CPED1: variants seen among roughly 807,000 people sequenced by gnomAD.
CPED1 encodes the protein cadherin-like and PC-esterase domain-containing protein 1.
Under a neutral mutation model 128.2 loss-of-function variants are expected in CPED1, and 114 were observed. The observed-to-expected ratio is 0.89, with a 90% CI of 0.76 to 1.04. The LOEUF is 1.04. Among genes scored for constraint, CPED1 ranks in the 50% least tolerant of loss-of-function variants. CPED1 has a pLI of 0.00. For synonymous variants in CPED1, 462 were observed against 426.7 expected, an observed-to-expected ratio of 1.08 and a Z score of -1.02; for missense variants, 1,211 against 1,207.1, an observed-to-expected ratio of 1.00 and a Z score of -0.05.
rs112202688 is a variant in CPED1, at chr7:121,225,995, C to T, written c.2056-10719C>T. On this transcript the variant is annotated intron_variant, in intron 16 of 22. Coordinates refer to ENST00000310396, the MANE Select transcript of CPED1 (RefSeq NM_024913.5). ...CCTACTTCTGTCAACTCATTAAAGT[C>T]ATTCTCCATCCAGCTTTGTTCCGTT... Among the ~76,000 whole-genome samples, 1,022 of 152,236 alleles carry T rather than the reference C, an allele frequency of 6.7e-3. 14 individuals carry two copies. The highest frequency in any genetic ancestry group is 0.022 in the African/African-American group (915 of 41,544).
intron 3 of CPED1, among the ~76,000 whole-genome samples, chr7:121,016,884 TGGGGG>T (rs1792316490): frequency 6.6e-6 from 1 of 152,154 alleles, no homozygotes; most frequent in South Asian, 2.1e-4. Context: ...TTGGTTCCTT[TGGGGG>T]AGAAGAGTCA....
intron 22 of CPED1, among the ~76,000 whole-genome samples, chr7:121,294,745 G>A (rs1261092966): frequency 1.3e-5 from 2 of 148,416 alleles, no homozygotes; most frequent in Admixed American, 1.4e-4. Context: ...TGGGACTGGG[G>A]TTAATCAGAA....
At chr7:121,013,727 C>T (rs747060741) in intron 2 of CPED1, among the ~76,000 whole-genome samples, 2 of 152,158 alleles carry the variant, frequency 1.3e-5, no homozygotes, top group Non-Finnish European at 2.9e-5. Context: ...CTGAACTACT[C>T]TATGCTCTGT....
At chr7:121,116,604 T>G (rs188732552) in intron 7 of CPED1, among the ~76,000 whole-genome samples, 2 of 152,218 alleles carry the variant, frequency 1.3e-5, no homozygotes, top group Admixed American at 6.5e-5. Context: ...TAGATGAAAG[T>G]AAAAATACAG....
At chr7:121,085,588 G>T (rs564739202) in intron 5 of CPED1, among the ~76,000 whole-genome samples, 22 of 152,150 alleles carry the variant, frequency 1.4e-4, no homozygotes, top group African/African-American at 5.1e-4. Context: ...TTGTCATCCT[G>T]GTATCCTTGG....
intron 5 of CPED1, among the ~76,000 whole-genome samples, chr7:121,085,568 C>G (rs1275300922): frequency 5.3e-5 from 8 of 152,076 alleles, no homozygotes; most frequent in Non-Finnish European, 1.2e-4. Context: ...CAAAAAAGTG[C>G]CTTTCTTTTT....
intron 9 of CPED1, among the ~76,000 whole-genome samples, chr7:121,126,356 T>C (rs1286729292): frequency 6.6e-6 from 1 of 151,734 alleles, no homozygotes; most frequent in Non-Finnish European, 1.5e-5. Flanking sequence ...ATGTGTAGAG[T>C]GAAGTGTTTT....
intron 16 of CPED1, among the ~76,000 whole-genome samples, chr7:121,231,167 G>C (rs1345185986): frequency 1.3e-5 from 2 of 151,990 alleles, no homozygotes; most frequent in Non-Finnish European, 2.9e-5. Flanking sequence ...TCTTTGAGTT[G>C]GTATTTGGTA....
rs145543956 is a variant in CPED1 at position 121,270,645 on chromosome 7, C to T, written c.2722-639C>T. On this transcript the variant is annotated intron_variant, in intron 21 of 22. Coordinates refer to ENST00000310396, the MANE Select transcript of CPED1 (RefSeq NM_024913.5). The stretch of plus-strand genomic sequence containing the variant: ...GCATTATTTATTGAGGGTCCTTTTC[C>T]CATTGCTTATTTTTGTTGAGTTTGT... Among the ~76,000 whole-genome samples, 402 of 151,966 alleles carry T rather than the reference C, an allele frequency of 2.6e-3. 4 individuals carry two copies. Among genetic ancestry groups the T allele is most frequent in the African/African-American group, 9.4e-3 (389 of 41,464 alleles).
At chr7:121,007,230 C>CTTTTTTTTTTTTTTTTTTTTTTTT (rs147867549) in intron 2 of CPED1, among the ~76,000 whole-genome samples, 3 of 115,848 alleles carry the variant, frequency 2.6e-5, no homozygotes. Flanking sequence ...GTTCAGGTTG[C>CTTTTTTTTTTTTTTTTTTTTTTTT]ATTTTTTTTT....
chr7:120,997,571 T>G (rs558862053), intron 2 of CPED1, among the ~76,000 whole-genome samples: 1 of 152,206 alleles, frequency 6.6e-6, no homozygotes, highest in African/African-American at 2.4e-5. Context: ...TATAATTAGT[T>G]AGGATGAGGT....
At chr7:121,049,953 A>G (rs1479504440) in intron 4 of CPED1, among the ~76,000 whole-genome samples, 1 of 152,232 alleles carries the variant, frequency 6.6e-6, no homozygotes, top group African/African-American at 2.4e-5. Flanking sequence ...CACAACAAAT[A>G]CTTGTGTGGC....
chr7:121,008,870 A>G (rs1235093635), intron 2 of CPED1, among the ~76,000 whole-genome samples: 1 of 152,190 alleles, frequency 6.6e-6, no homozygotes, highest in Non-Finnish European at 1.5e-5. Context: ...TGTTAAATAG[A>G]CAAATGAAAG....
intron 3 of CPED1, among the ~76,000 whole-genome samples, chr7:121,018,125 T>C (rs1185369782): frequency 6.6e-6 from 1 of 152,144 alleles, no homozygotes; most frequent in African/African-American, 2.4e-5. Context: ...ACAATATGCA[T>C]CAAATACCTG....
At chr7:121,224,555 G>A (rs1176391562) in intron 16 of CPED1, among the ~76,000 whole-genome samples, 2 of 152,038 alleles carry the variant, frequency 1.3e-5, no homozygotes, top group South Asian at 2.1e-4. Context: ...TATTGACAGT[G>A]GGGTATTAAA....
At chr7:121,096,053 G>C (rs909625344) in intron 5 of CPED1, among the ~76,000 whole-genome samples, 1 of 151,976 alleles carries the variant, frequency 6.6e-6, no homozygotes, top group Non-Finnish European at 1.5e-5. Flanking sequence ...AAATTGAAAG[G>C]CTTACATAAA....
intron 3 of CPED1, among the ~76,000 whole-genome samples, chr7:121,025,309 T>G (rs1476118810): frequency 1.3e-5 from 2 of 152,088 alleles, no homozygotes; most frequent in Non-Finnish European, 2.9e-5. Flanking sequence ...CCCCCACCTA[T>G]CTCCTAAAAT....
intron 16 of CPED1, among the ~76,000 whole-genome samples, chr7:121,156,258 C>T (rs1796280121): frequency 1.3e-5 from 2 of 152,088 alleles, no homozygotes; most frequent in South Asian, 2.1e-4. Context: ...ATTAGAACAG[C>T]CGCTATGGAG....
chr7:121,078,787 GGGCTGAGGC>G (rs1277983186), intron 5 of CPED1, among the ~76,000 whole-genome samples: 4 of 152,130 alleles, frequency 2.6e-5, no homozygotes, highest in African/African-American at 9.7e-5. Flanking sequence ...GTGAATGGTT[GGGCTGAGGC>G]TGCTCCCATG....
Sources: allele counts gnomAD v4.1 joint callset (sites outside exome capture counted in the v4.1 genomes callset), GRCh38; gene constraint gnomAD v4.1.1; transcripts MANE v1.5; gene names NCBI Gene and HGNC (gene_info 2026-07-23, HGNC 2026-07-21).